C18orf54: variants seen among roughly 807,000 people sequenced by gnomAD.
C18orf54 encodes the protein lung adenoma susceptibility protein 2.
In C18orf54, 49 loss-of-function variants were observed where a neutral mutation model predicts 49.3. The ratio of observed to expected loss-of-function variants is 0.99; its 90% confidence interval spans 0.79 to 1.26. C18orf54 has a LOEUF of 1.26. C18orf54 is among the 50% of genes most tolerant of loss of function. The pLI is 0.00. For missense variants in C18orf54, 687 were observed against 620.6 expected (o/e 1.11, Z -1.14); for synonymous variants, 211 against 216.6 (o/e 0.97, Z 0.23).
chr18:54,361,493 TCCACCTACA>T (rs1233368609), intron 3 of C18orf54, 141 bp from the exon 4 acceptor site: 1 of 625,126 alleles, frequency 1.6e-6, no homozygotes, highest in African/African-American at 1.9e-5. Context: ...TCCTGTTTTA[TCCACCTACA>T]CCTTTTTATG....
At chr18:54,363,312 TTTTTC>T (rs1178849684) in intron 5 of C18orf54, among the ~76,000 whole-genome samples, 3 of 152,124 alleles carry the variant, frequency 2.0e-5, no homozygotes, top group East Asian at 1.9e-4. Context: ...TGTACATTTC[TTTTTC>T]TTTTCTTTTC....
At chr18:54,376,943 G>A (rs961918682) in intron 8 of C18orf54, among the ~76,000 whole-genome samples, 2 of 152,000 alleles carry the variant, frequency 1.3e-5, no homozygotes, top group Admixed American at 1.3e-4. Flanking sequence ...ATAGAATAGA[G>A]TGTTGTAGTC....
chr18:54,381,899 A>C lies in C18orf54; in HGVS notation c.*3653A>C, dbSNP rs1438136945. On this transcript the variant is annotated 3_prime_UTR_variant, in exon 9 of 9. Coordinates refer to ENST00000620105, the MANE Select transcript of C18orf54 (RefSeq NM_001288980.2). ...TATCTCCTTGATGATAGCACCTCTT[A>C]TACTGCTTTACAGAATCAGGAAAAA... is the stretch of plus-strand genomic sequence containing the variant. 6.6e-6 allele frequency: 1 copy of C among 152,194 alleles called. No homozygotes were observed. The highest frequency in any genetic ancestry group is 1.9e-4 in the East Asian group (1 of 5,200). The allele number at this position is 152,194 out of a possible 1,614,324, so 9.4% of individuals were successfully genotyped here.
rs138750268 is a variant in C18orf54, at chr18:54,357,961, G to A, written c.-258G>A. On this transcript the variant is annotated 5_prime_UTR_variant, in exon 1 of 9. Transcript: ENST00000620105. ...GGGTGTCGAGCTCTGCTGTGACTGC[G>A]GAGGAAGCTGCGAGTGAGCCGAGCC... 1,026 of 152,700 alleles carry A rather than the reference G, an allele frequency of 6.7e-3. 6 individuals are homozygous for A. The highest frequency in any genetic ancestry group is 0.01 in the Middle Eastern group (3 of 296). 9.5% of individuals were successfully genotyped at this position (152,700 alleles called of 1,614,324 possible). A position where few individuals can be genotyped will look rare whatever the true frequency, so the allele number is the denominator to read the frequency against.
intron 2 of C18orf54, among the ~76,000 whole-genome samples, chr18:54,359,984 A>G (rs553829407): frequency 5.0e-4 from 76 of 152,340 alleles, no homozygotes; most frequent in Admixed American, 8.5e-4. Context: ...TAAGACCTGC[A>G]GTTTATTTAC....
intron 7 of C18orf54, among the ~76,000 whole-genome samples, chr18:54,373,208 T>C (rs11875851): frequency 0.11 from 17,018 of 151,812 alleles, 3,218 homozygotes; most frequent in African/African-American, 0.39. Flanking sequence ...CCAAATATGA[T>C]TGTGAATTCT....
At position 54,361,757 on chromosome 18, in the gene C18orf54, C is replaced by A; in HGVS notation, c.398C>A (p.Ala133Glu). ...ACTGATGATCTATTAAGACTCCCAG[C>A]AGATGGATCATTTTCTTATACTTAT... The part of the protein sequence containing the change: ...LTTDDLLRLP[A>E]DGSFSYTYVG... Residue 133 changes from alanine (A) to glutamate (E), a missense_variant, in exon 4 of 9, where the codon GCA becomes GAA. Physicochemically the swap from Ala to Glu is moderately radical, Grantham distance 107 (BLOSUM62 -1). Transcript: ENST00000620105. 1 of 1,614,036 alleles carries A rather than the reference C, an allele frequency of 6.2e-7. No individual in the cohort carries two copies. Among genetic ancestry groups the A allele is most frequent in the Non-Finnish European group, 8.5e-7 (1 of 1,179,944 alleles).
chr18:54,374,647 A>C (rs1299635275), intron 8 of C18orf54, among the ~76,000 whole-genome samples: 1 of 151,828 alleles, frequency 6.6e-6, no homozygotes, highest in African/African-American at 2.4e-5. Flanking sequence ...TAATAAATGG[A>C]TCGTGATTTG....
At chr18:54,361,470 GAAA>G (rs1204583058) in intron 3 of C18orf54, among the ~76,000 whole-genome samples, 170 bp from the exon 4 acceptor site, 1 of 152,020 alleles carries the variant, frequency 6.6e-6, no homozygotes, top group East Asian at 1.9e-4. Context: ...AGAATCGTGA[GAAA>G]AAAAGCACAT....
Position 54,378,418 on chromosome 18 carries a change from C to G in C18orf54, c.*172C>G, listed in dbSNP as rs528243372. The G allele has an allele frequency of 2.8e-4, 146 of 512,534 alleles. 1 individual carries two copies. Among genetic ancestry groups the G allele is most frequent in the African/African-American group, 2.7e-3 (141 of 51,328 alleles). 31.7% of individuals were successfully genotyped at this position (512,534 alleles called of 1,614,324 possible). A position where few individuals can be genotyped will look rare whatever the true frequency, so the allele number is the denominator to read the frequency against. On this transcript the variant is annotated 3_prime_UTR_variant, in exon 9 of 9. Transcript: ENST00000620105. ...TGAAAATACCCATAGGTTTTGGGAC[C>G]TATCTTTATTTTGTGCCAACATACT...
At position 54,360,712 on chromosome 18, in the gene C18orf54, C is replaced by G. The variant is rs377664491; in HGVS notation, c.140C>G (p.Ser47Cys). The change falls in exon 3 of 9, where the codon TCT (serine) becomes TGT (cysteine). Residue 47 changes from serine (S) to cysteine (C), a missense_variant. By Grantham distance (112) the Ser-to-Cys change is moderately radical. Coordinates refer to ENST00000620105, the MANE Select transcript of C18orf54 (RefSeq NM_001288980.2). ...SFHYKDKLYR[S>C]ASQALQAYID... ...CACTATAAAGATAAGCTGTACAGAT[C>G]TGCTTCTCAAGCTCTACAGGCTTAT... The G allele has an allele frequency of 6.3e-5, 102 of 1,613,964 alleles. No homozygotes were observed. Among genetic ancestry groups the G allele is most frequent in the Non-Finnish European group, 8.4e-5 (99 of 1,179,962 alleles).
At chr18:54,365,918 G>T (rs1332767135) in intron 6 of C18orf54, 97 bp downstream of exon 6, 4 of 522,346 alleles carry the variant, frequency 7.7e-6, no homozygotes, top group African/African-American at 2.0e-5. Context: ...AAGCAAAAAA[G>T]ACTCAAATCT....
intron 3 of C18orf54, 114 bp from the exon 4 acceptor site, chr18:54,361,529 T>A (rs2089268604): frequency 1.2e-6 from 1 of 865,826 alleles, no homozygotes; most frequent in Non-Finnish European, 1.7e-6. Context: ...ATCAAAGCTT[T>A]AGTGAGGATA....
At chr18:54,375,992 A>C (rs2089563211) in intron 8 of C18orf54, among the ~76,000 whole-genome samples, 1 of 152,190 alleles carries the variant, frequency 6.6e-6, no homozygotes, top group Non-Finnish European at 1.5e-5. Flanking sequence ...AGGCGGCAAA[A>C]TATTCTGGTT....
At chr18:54,360,968 CATAAT>C (rs1394086975) in intron 3 of C18orf54, 113 bp downstream of exon 3, 2 of 1,015,644 alleles carry the variant, frequency 2.0e-6, no homozygotes, top group Non-Finnish European at 2.9e-6. Context: ...GTAAAAATAA[CATAAT>C]ATTGAGATCT....
At chr18:54,369,892 C>T (rs9959563) in intron 6 of C18orf54, among the ~76,000 whole-genome samples, 112,030 of 151,804 alleles carry the variant, frequency 0.74, 41,771 homozygotes, top group African/African-American at 0.86. Context: ...TATAATACTG[C>T]TAGTTGGTTC....
rs1163243958 is a variant in C18orf54 at position 54,381,941 on chromosome 18, A to G, written c.*3695A>G. The G allele has an allele frequency of 2.6e-5, 4 of 152,238 alleles. No individual in the cohort carries two copies. Among genetic ancestry groups the G allele is most frequent in the Non-Finnish European group, 2.9e-5 (2 of 68,034 alleles). 9.4% of individuals were successfully genotyped at this position (152,238 alleles called of 1,614,324 possible). A position where few individuals can be genotyped will look rare whatever the true frequency, so the allele number is the denominator to read the frequency against. ...CAGGAAAAAGTAAACTGCATTTTACATAGTGGTTTTAAATATTGATTGATT... is the reference window on the plus strand; with the variant it reads ...CAGGAAAAAGTAAACTGCATTTTACGTAGTGGTTTTAAATATTGATTGATT... On this transcript the variant is annotated 3_prime_UTR_variant, in exon 9 of 9. Transcript: ENST00000620105.
intron 6 of C18orf54, among the ~76,000 whole-genome samples, chr18:54,366,751 G>A (rs2089394051): frequency 6.6e-6 from 1 of 151,760 alleles, no homozygotes; most frequent in African/African-American, 2.4e-5. Context: ...GCTGTGTGTG[G>A]TGGCTTATAC....
chr18:54,368,369 A>C (rs1475692156), intron 6 of C18orf54, among the ~76,000 whole-genome samples: 1 of 152,070 alleles, frequency 6.6e-6, no homozygotes, highest in Non-Finnish European at 1.5e-5. Flanking sequence ...TTTGTTTGCC[A>C]GATCATCTGC....
Sources: allele counts gnomAD v4.1 joint callset (sites outside exome capture counted in the v4.1 genomes callset), GRCh38; gene constraint gnomAD v4.1.1; transcripts MANE v1.5; gene names NCBI Gene and HGNC (gene_info 2026-07-23, HGNC 2026-07-21).